Variants in SRC observed in about 807,000 individuals in gnomAD.
SRC encodes the protein SRC proto-oncogene, non-receptor tyrosine kinase, also known as proto-oncogene tyrosine-protein kinase Src.
SRC carries 13 observed loss-of-function variants against 62.9 expected under a neutral mutation model. That is an observed-to-expected ratio of 0.21 (90% CI 0.13 to 0.33). The LOEUF (loss-of-function observed/expected upper bound fraction) is 0.33. SRC is among the 10% of genes least tolerant of loss of function. SRC has a pLI of 1.00. For missense variants in SRC, 457 were observed against 737.3 expected, an observed-to-expected ratio of 0.62 and a Z score of 4.40; for synonymous variants, 302 against 317.5, an observed-to-expected ratio of 0.95 and a Z score of 0.52.
intron 1 of SRC, among the ~76,000 whole-genome samples, chr20:37,363,923 G>A (rs2070020511): frequency 6.6e-6 from 1 of 152,064 alleles, no homozygotes; most frequent in African/African-American, 2.4e-5. Context: ...TGCATGGCAG[G>A]TGCCTGACAA....
intron 1 of SRC, among the ~76,000 whole-genome samples, chr20:37,349,558 G>A (rs2069770744): frequency 6.6e-6 from 1 of 152,240 alleles, no homozygotes; most frequent in African/African-American, 2.4e-5. Context: ...GGTTAAAGGA[G>A]GGCTGTGTGC....
At chr20:37,355,786 G>T (rs1289451353) in intron 1 of SRC, among the ~76,000 whole-genome samples, 1 of 152,230 alleles carries the variant, frequency 6.6e-6, no homozygotes, top group Non-Finnish European at 1.5e-5. Context: ...GGGCCGGGAA[G>T]AAGGGACCGT....
rs143428948 is a variant in SRC at position 37,383,428 on chromosome 20, G to A, written c.-5+642G>A. Among the ~76,000 whole-genome samples the A allele has an allele frequency of 4.6e-3, 707 of 152,238 alleles. 1 individual carries two copies. Among genetic ancestry groups the A allele is most frequent in the African/African-American group, 0.016 (675 of 41,516 alleles). Reference sequence around the variant, plus strand: ...CTTTCCCCAGCGTTAGGCAATTCCCGTCAGCCACGTATTCATTCAACAAAC... The same window carrying A: ...CTTTCCCCAGCGTTAGGCAATTCCCATCAGCCACGTATTCATTCAACAAAC... On this transcript the variant is annotated intron_variant, in intron 3 of 13. Transcript: ENST00000373578.
intron 1 of SRC, among the ~76,000 whole-genome samples, chr20:37,349,083 AG>A (rs2069763535): frequency 6.6e-6 from 1 of 152,138 alleles, no homozygotes; most frequent in South Asian, 2.1e-4. Flanking sequence ...ATTGTCACAC[AG>A]GGGGCTGATC....
At chr20:37,357,132 G>A (rs1749745526) in intron 1 of SRC, among the ~76,000 whole-genome samples, 2 of 152,222 alleles carry the variant, frequency 1.3e-5, no homozygotes, top group Admixed American at 6.5e-5. Flanking sequence ...AGAGGACAAA[G>A]CCCCTTTGTG....
chr20:37,383,662 T>C (rs2070397333), intron 3 of SRC: 1 of 160,572 alleles, frequency 6.2e-6, no homozygotes, highest in African/African-American at 2.4e-5. Context: ...ATTTTACAGA[T>C]GAAGACATCG....
chr20:37,387,563 AG>A (rs1367582199), intron 5 of SRC, among the ~76,000 whole-genome samples: 1 of 54,616 alleles, frequency 1.8e-5, no homozygotes, highest in East Asian at 6.9e-4. Context: ...GGGGGGTGGG[AG>A]GGGGGGCTCT....
chr20:37,396,271 C>T lies in SRC; in HGVS notation c.663C>T (p.Thr221=). ...GCGGCTTCTACATCACCTCCCGCAC[C>T]CAGTTCAACAGCCTGCAGCAGCTGG... ...DSGGFYITSR[T]QFNSLQQLVA... Residue 221 remains threonine (T), a synonymous_variant, in exon 8 of 14, where the codon ACC becomes ACT. Transcript: ENST00000373578. The surrounding 1 kb of genome is among the most constrained non-coding windows in gnomAD (Gnocchi z 6.1). 6.2e-7 allele frequency: 1 copy of T among 1,613,898 alleles called. No homozygotes were observed. Among genetic ancestry groups the T allele is most frequent in the Non-Finnish European group, 8.5e-7 (1 of 1,179,992 alleles).
At chr20:37,357,102 C>T (rs1056313348) in intron 1 of SRC, among the ~76,000 whole-genome samples, 9 of 152,216 alleles carry the variant, frequency 5.9e-5, no homozygotes, top group Non-Finnish European at 1.2e-4. Context: ...GGCTTCCGGT[C>T]TACCCTGGGC....
rs1324806487 is a variant in SRC at position 37,398,645 on chromosome 20, G to C, written c.859+791G>C. On this transcript the variant is annotated intron_variant, in intron 9 of 13. Transcript: ENST00000373578. This position sits in a 1 kb window ranked among gnomAD's most constrained non-coding sequence, Gnocchi z 5.2. ...CTGGAGGCTGGAGGTCAGGCTGTCC[G>C]GGAAGGGGAGGCGTGGGCTTTGAGC... Among the ~76,000 whole-genome samples, 1 of 152,230 alleles carries C rather than the reference G, an allele frequency of 6.6e-6. No individual in the cohort carries two copies. The highest frequency in any genetic ancestry group is 1.5e-5 in the Non-Finnish European group (1 of 68,030).
At chr20:37,379,942 TAAAAAAA>T (rs57772720) in intron 2 of SRC, among the ~76,000 whole-genome samples, 76 of 51,464 alleles carry the variant, frequency 1.5e-3, no homozygotes, top group Admixed American at 2.0e-3. Context: ...GAGCTTGGAG[TAAAAAAA>T]AAAAAAAAAA....
chr20:37,345,739 A>G (rs1405767098), upstream of SRC, among the ~76,000 whole-genome samples: 1 of 151,234 alleles, frequency 6.6e-6, no homozygotes, highest in African/African-American at 2.4e-5. Flanking sequence ...CCTGGCCCAG[A>G]GCGGGCGCTC....
At position 37,402,322 on chromosome 20, in the gene SRC, G is replaced by A. The variant is rs2070749644; in HGVS notation, c.1117-113G>A. The A allele has an allele frequency of 7.5e-7, 1 of 1,327,768 alleles. No individual in the cohort carries two copies. The highest frequency in any genetic ancestry group is 1.5e-5 in the African/African-American group (1 of 68,014). The allele number at this position is 1,327,768 out of a possible 1,614,324, so 82.2% of individuals were successfully genotyped here. A position where few individuals can be genotyped will look rare whatever the true frequency, so the allele number is the denominator to read the frequency against. On this transcript the variant is annotated intron_variant, in intron 11 of 13. Transcript: ENST00000373578. This position sits in a 1 kb window ranked among gnomAD's most constrained non-coding sequence, Gnocchi z 6.2. ...TGTGAACTGACCTCACTTGCCTGAA[G>A]AAGTGTGGGGAGGGTGGGGAAGGGG...
chr20:37,396,415 C>A lies in SRC; in HGVS notation c.703+104C>A. On this transcript the variant is annotated intron_variant, in intron 8 of 13. Transcript: ENST00000373578. The surrounding 1 kb of genome is among the most constrained non-coding windows in gnomAD (Gnocchi z 6.1). ...AAGGGTGGGGACTTCTGTTATCCTG[C>A]TTCTCTCCCCACTTCCCCCTCCCCC... 1 of 1,367,200 alleles carries A rather than the reference C, an allele frequency of 7.3e-7. No individual in the cohort carries two copies. Among genetic ancestry groups the A allele is most frequent in the Non-Finnish European group, 1.0e-6 (1 of 1,000,738 alleles). The allele number at this position is 1,367,200 out of a possible 1,614,324, so 84.7% of individuals were successfully genotyped here.
intron 2 of SRC, among the ~76,000 whole-genome samples, chr20:37,368,526 T>C (rs1460560038): frequency 6.3e-5 from 8 of 126,372 alleles, no homozygotes; most frequent in South Asian, 4.9e-4. Flanking sequence ...TTCTTTTTTT[T>C]TTTTTTTTTT....
chr20:37,401,507 G>A, intron 10 of SRC, 95 bp from the exon 11 acceptor site: 1 of 942,104 alleles, frequency 1.1e-6, no homozygotes, highest in Middle Eastern at 2.1e-4. Flanking sequence ...GCTGGTTAAA[G>A]CAAGGCCAGC....
chr20:37,372,267 C>T (rs1307132480), intron 2 of SRC, among the ~76,000 whole-genome samples: 2 of 152,128 alleles, frequency 1.3e-5, no homozygotes, highest in Non-Finnish European at 2.9e-5. Context: ...GGATTACAGG[C>T]GTGAGCCACC....
chr20:37,344,922 T>C (rs1312423457), upstream of SRC: 3 of 152,466 alleles, frequency 2.0e-5, no homozygotes, highest in East Asian at 5.8e-4. Flanking sequence ...GATCGACTTG[T>C]CCACCCCACA....
intron 1 of SRC, among the ~76,000 whole-genome samples, chr20:37,359,761 T>C (rs910373082): frequency 1.3e-5 from 2 of 151,730 alleles, no homozygotes; most frequent in African/African-American, 2.4e-5. Context: ...GGGTCCTGGG[T>C]GCACCTGGCT....
Sources: gnomAD v4.1 joint callset for allele counts (sites outside exome capture counted in the v4.1 genomes callset) on GRCh38, gnomAD v4.1.1 for gene constraint, Gnocchi (gnomAD v3.1) non-coding constraint, MANE v1.5 for transcripts, NCBI Gene and HGNC (gene_info 2026-07-23, HGNC 2026-07-21) for gene names.